The following B3GNT5 variants were observed in gnomAD, a reference collection of about 807,000 sequenced individuals.
B3GNT5 encodes UDP-GlcNAc:betaGal beta-1,3-N-acetylglucosaminyltransferase 5.
In B3GNT5, 11 loss-of-function variants were observed where a neutral mutation model predicts 25.9. The ratio of observed to expected loss-of-function variants is 0.42; its 90% CI spans 0.27 to 0.70. B3GNT5 has a LOEUF of 0.70. Among genes scored for constraint, B3GNT5 ranks in the 30% least tolerant of loss-of-function variants. The pLI, the probability that B3GNT5 is intolerant of heterozygous loss-of-function variation, is 0.23. For missense variants in B3GNT5, 385 were observed against 458.4 expected (o/e 0.84, Z 1.46); for synonymous variants, 166 against 158.6 (o/e 1.05, Z -0.35).
At chr3:183,262,829 T>C (rs1725744720) in intron 1 of B3GNT5, among the ~76,000 whole-genome samples, 1 of 152,068 alleles carries the variant, frequency 6.6e-6, no homozygotes, top group Admixed American at 6.6e-5. Context: ...TGAAAACTGC[T>C]CAAAGCTAGA....
At position 183,269,643 on chromosome 3, in the gene B3GNT5, AAAAG is replaced by A; in HGVS notation, c.-152_-149del. On this transcript the variant is annotated 5_prime_UTR_variant, in exon 2 of 2. It introduces an in-frame stop codon into an upstream open reading frame of the 5' UTR. Transcript: ENST00000326505. ...TCCGCAATCTCAGAAAAATGGGACT[AAAAG>A]AAACTATTTTGTAAAATAAGAAGAC... 3.0e-6 allele frequency: 2 copies of A among 674,418 alleles called. No homozygotes were observed. The highest frequency in any genetic ancestry group is 2.4e-6 in the Non-Finnish European group (1 of 420,382). 41.8% of individuals were successfully genotyped at this position (674,418 alleles called of 1,614,324 possible).
chr3:183,261,472 A>G (rs1725577789), intron 1 of B3GNT5, among the ~76,000 whole-genome samples: 1 of 152,194 alleles, frequency 6.6e-6, no homozygotes, highest in South Asian at 2.1e-4. Flanking sequence ...AAAAGTTTAA[A>G]TGTAAAAGAT....
rs577700658 is a variant in B3GNT5, at chr3:183,267,405, TG to T, written c.-301-2088del. On this transcript the variant is annotated intron_variant, in intron 1 of 1. Coordinates refer to ENST00000326505, the MANE Select transcript of B3GNT5 (RefSeq NM_032047.5). The surrounding 1 kb of genome is among the most constrained non-coding windows in gnomAD (Gnocchi z 5.5). ...CCTCCACCCTGATGTGGAGTGATCATGGGGGTGGGAAATATAGCTGGATCCG... is the reference window on the plus strand; with the variant it reads ...CCTCCACCCTGATGTGGAGTGATCATGGGGTGGGAAATATAGCTGGATCCG... Among the ~76,000 whole-genome samples, 126 of 152,316 alleles carry T rather than the reference TG, an allele frequency of 8.3e-4. No individual in the cohort carries two copies. Among genetic ancestry groups the T allele is most frequent in the African/African-American group, 3.0e-3 (124 of 41,576 alleles).
chr3:183,255,008 T>C (rs930822193), intron 1 of B3GNT5, among the ~76,000 whole-genome samples: 2 of 152,248 alleles, frequency 1.3e-5, no homozygotes, highest in African/African-American at 4.8e-5. Context: ...TCTTAGGTTA[T>C]GGATCATGTT....
At chr3:183,257,802 CTTTTTTCCG>C (rs1315183183) in intron 1 of B3GNT5, among the ~76,000 whole-genome samples, 2 of 152,006 alleles carry the variant, frequency 1.3e-5, no homozygotes, top group African/African-American at 2.4e-5. Flanking sequence ...TTCTGATCTC[CTTTTTTCCG>C]TTTTTTCCCT....
intron 1 of B3GNT5, among the ~76,000 whole-genome samples, chr3:183,261,383 G>A (rs1407508379): frequency 6.6e-6 from 1 of 152,144 alleles, no homozygotes; most frequent in Non-Finnish European, 1.5e-5. Context: ...AGATGGTACA[G>A]AAGATTTTAT....
intron 1 of B3GNT5, among the ~76,000 whole-genome samples, chr3:183,268,672 T>A (rs577705368): frequency 6.6e-6 from 1 of 152,188 alleles, no homozygotes; most frequent in African/African-American, 2.4e-5. Flanking sequence ...CTACTTCCCT[T>A]CATTTGTCAT....
intron 1 of B3GNT5, chr3:183,254,106 T>TCG (rs1398544963): frequency 1.3e-5 from 2 of 151,394 alleles, no homozygotes. Context: ...GCCGAGCGGC[T>TCG]CGCGGTCTCC....
In B3GNT5 at chr3:183,270,189, T is replaced by G. The variant is rs761428945; in HGVS notation, c.391T>G (p.Leu131Val). The change falls in exon 2 of 2, where the codon TTA becomes GTA. Residue 131 changes from leucine to valine, a missense_variant. By Grantham distance (32) the Leu-to-Val change is conservative. Coordinates refer to ENST00000326505, the MANE Select transcript of B3GNT5 (RefSeq NM_032047.5). This position sits in a 1 kb window ranked among gnomAD's most constrained non-coding sequence, Gnocchi z 4.5. ...LNANIKTLFA[L>V]GTPNPLEGEE... ...TGCCAACATCAAAACTCTGTTTGCCTTAGGAACTCCTAATCCACTGGAGGG... is the reference window on the plus strand; with the variant it reads ...TGCCAACATCAAAACTCTGTTTGCCGTAGGAACTCCTAATCCACTGGAGGG... 6.2e-7 allele frequency: 1 copy of G among 1,614,210 alleles called. No homozygotes were observed. Among genetic ancestry groups the G allele is most frequent in the Non-Finnish European group, 8.5e-7 (1 of 1,180,030 alleles).
At position 183,270,281 on chromosome 3, in the gene B3GNT5, T is replaced by C; in HGVS notation, c.483T>C (p.Phe161=). The C allele has an allele frequency of 6.2e-7, 1 of 1,614,194 alleles. No individual in the cohort carries two copies. The highest frequency in any genetic ancestry group is 1.1e-5 in the South Asian group (1 of 91,082). Residue 161 remains phenylalanine (F), a synonymous_variant, in exon 2 of 2, where the codon TTT becomes TTC. Coordinates refer to ENST00000326505, the MANE Select transcript of B3GNT5 (RefSeq NM_032047.5). This position sits in a 1 kb window ranked among gnomAD's most constrained non-coding sequence, Gnocchi z 4.5. ...QRYNDIIQQD[F]VDSFYNLTLK... ...ACAATGATATAATTCAGCAAGACTT[T>C]GTTGATTCTTTCTACAATCTTACTC...
At position 183,269,564 on chromosome 3, in the gene B3GNT5, G is replaced by A. The variant is rs1298765567; in HGVS notation, c.-235G>A. 3.4e-5 allele frequency: 15 copies of A among 439,258 alleles called. No homozygotes were observed. The South Asian group carries it at 4.0e-4, about 12-fold the overall frequency. The allele number at this position is 439,258 out of a possible 1,614,324, so 27.2% of individuals were successfully genotyped here. ...CCACCACGCTTCCTGAAGGATGCCC[G>A]TGTGGAAGAATTTTGACGTGCCAGT... On this transcript the variant is annotated 5_prime_UTR_variant, in exon 2 of 2. The change creates a new upstream start codon in the 5' untranslated region. Transcript: ENST00000326505.
Position 183,270,839 on chromosome 3 carries a change from T to G in B3GNT5, c.1041T>G (p.Gly347=). ...CTAAAGTAAAAACCATTTCCAAAGG[T>G]TTTTTTGGTCAAATATACTGCAGAT... ...TDPKVKTISK[G]FFGQIYCRLM... is the part of the protein sequence containing the mutation. The change falls in exon 2 of 2, where the codon GGT becomes GGG. Residue 347 remains glycine (G), a synonymous_variant. Transcript: ENST00000326505. This position sits in a 1 kb window ranked among gnomAD's most constrained non-coding sequence, Gnocchi z 4.5. The G allele has an allele frequency of 6.2e-7, 1 of 1,613,036 alleles. No homozygotes were observed. Among genetic ancestry groups the G allele is most frequent in the Non-Finnish European group, 8.5e-7 (1 of 1,179,588 alleles).
At chr3:183,254,682 G>C (rs1304282563) in intron 1 of B3GNT5, 2 of 152,232 alleles carry the variant, frequency 1.3e-5, no homozygotes, top group South Asian at 4.1e-4. Context: ...GCGGCCACCC[G>C]CCTCCGGCTG....
At position 183,267,335 on chromosome 3, in the gene B3GNT5, T is replaced by C. The variant is rs2108437847; in HGVS notation, c.-301-2163T>C. Among the ~76,000 whole-genome samples, 2 of 152,356 alleles carry C rather than the reference T, an allele frequency of 1.3e-5. No individual in the cohort carries two copies. The highest frequency in any genetic ancestry group is 4.1e-4 in the South Asian group (2 of 4,830). On this transcript the variant is annotated intron_variant, in intron 1 of 1. Coordinates refer to ENST00000326505, the MANE Select transcript of B3GNT5 (RefSeq NM_032047.5). The surrounding 1 kb of genome is among the most constrained non-coding windows in gnomAD (Gnocchi z 5.5). ...GGACAAAGTCTGAATGGGGCTTGGCTCTAATCTCTAGTCCTCATTGGACAT... is the reference window on the plus strand; with the variant it reads ...GGACAAAGTCTGAATGGGGCTTGGCCCTAATCTCTAGTCCTCATTGGACAT...
rs1223438819 is a variant in B3GNT5 at position 183,271,495 on chromosome 3, C to T, written c.*560C>T. 4.2e-5 allele frequency: 7 copies of T among 167,040 alleles called. 1 individual carries two copies. The highest frequency in any genetic ancestry group is 2.6e-4 in the Admixed American group (4 of 15,258). 10.3% of individuals were successfully genotyped at this position (167,040 alleles called of 1,614,324 possible). A position where few individuals can be genotyped will look rare whatever the true frequency, so the allele number is the denominator to read the frequency against. On this transcript the variant is annotated 3_prime_UTR_variant, in exon 2 of 2. Coordinates refer to ENST00000326505, the MANE Select transcript of B3GNT5 (RefSeq NM_032047.5). Reference sequence around the variant, plus strand: ...AATGTTATTATAAACAGACAAATCACGTCTTACCACATCCATGTAGCTACT... The same window carrying T: ...AATGTTATTATAAACAGACAAATCATGTCTTACCACATCCATGTAGCTACT...
At chr3:183,257,187 A>G (rs146280150) in intron 1 of B3GNT5, among the ~76,000 whole-genome samples, 3 of 152,330 alleles carry the variant, frequency 2.0e-5, no homozygotes, top group African/African-American at 7.2e-5. Flanking sequence ...AGTTATCTCA[A>G]ATGATCCTGA....
At chr3:183,255,087 T>G (rs1414719073) in intron 1 of B3GNT5, among the ~76,000 whole-genome samples, 1 of 152,236 alleles carries the variant, frequency 6.6e-6, no homozygotes, top group East Asian at 1.9e-4. Flanking sequence ...ATGGTAATTA[T>G]CTGATGAAAG....
chr3:183,270,595 C>G lies in B3GNT5; in HGVS notation c.797C>G (p.Ala266Gly), dbSNP rs1383907494. The change falls in exon 2 of 2, where the codon GCC (alanine) becomes GGC (glycine). Residue 266 changes from alanine (A) to glycine (G), a missense_variant. Ala to Gly is a moderately conservative substitution (Grantham distance 60). Transcript: ENST00000326505. This position sits in a 1 kb window ranked among gnomAD's most constrained non-coding sequence, Gnocchi z 4.5. ...TATGTAATCTCCGGTGATGTAGCTG[C>G]CAAAGTCTATGAGGCATCACAGACA... ...AAYVISGDVA[A>G]KVYEASQTLN... is the part of the protein sequence containing the mutation. 1 of 1,614,040 alleles carries G rather than the reference C, an allele frequency of 6.2e-7. No individual in the cohort carries two copies. Among genetic ancestry groups the G allele is most frequent in the African/African-American group, 1.3e-5 (1 of 74,900 alleles).
In B3GNT5 at chr3:183,272,292, C is replaced by T; in HGVS notation, c.*1357C>T. The T allele has an allele frequency of 1.0e-6, 1 of 1,000,206 alleles. No individual in the cohort carries two copies. Among genetic ancestry groups the T allele is most frequent in the East Asian group, 1.1e-4 (1 of 8,814 alleles). The allele number at this position is 1,000,206 out of a possible 1,614,324, so 62.0% of individuals were successfully genotyped here. On this transcript the variant is annotated 3_prime_UTR_variant, in exon 2 of 2. Coordinates refer to ENST00000326505, the MANE Select transcript of B3GNT5 (RefSeq NM_032047.5). ...AGAAAGAACTAGGTGGTGTCTACTG[C>T]TAGGGAGATTATATGAAGGCCAAAA...
Sources: gnomAD v4.1 joint callset for allele counts (sites outside exome capture counted in the v4.1 genomes callset) on GRCh38, gnomAD v4.1.1 for gene constraint, Gnocchi (gnomAD v3.1) non-coding constraint, MANE v1.5 for transcripts, NCBI Gene and HGNC (gene_info 2026-07-23, HGNC 2026-07-21) for gene names.